The following NCAPG2 variants were observed in gnomAD, a reference collection of about 807,000 sequenced individuals.
NCAPG2 encodes condensin-2 complex subunit G2.
A neutral mutation model predicts 141.1 loss-of-function variants in NCAPG2; 53 were observed. That is an observed-to-expected ratio of 0.38 (90% CI 0.30 to 0.47). The LOEUF (loss-of-function observed/expected upper bound fraction) is 0.47, where lower values mean the gene tolerates loss of function less well. Ranked by LOEUF, NCAPG2 falls within the 20% of genes least tolerant of loss-of-function variation. The probability of loss-of-function intolerance (pLI) is 0.99; values close to 1 mark genes in which losing one functional copy is unlikely to be tolerated. For missense variants in NCAPG2, 1,087 were observed against 1,389.0 expected (o/e 0.78, Z 3.46); for synonymous variants, 499 against 490.7 (o/e 1.02, Z -0.22).
chr7:158,677,882 C>T (rs1240000882), intron 11 of NCAPG2, among the ~76,000 whole-genome samples: 1 of 152,072 alleles, frequency 6.6e-6, no homozygotes, highest in Non-Finnish European at 1.5e-5. Context: ...ACAATGTCAG[C>T]TCACTGCAGC....
At chr7:158,657,003 T>C (rs1419038840) in intron 17 of NCAPG2, among the ~76,000 whole-genome samples, 2 of 152,164 alleles carry the variant, frequency 1.3e-5, no homozygotes, top group Non-Finnish European at 2.9e-5. Flanking sequence ...AGAGCAAGAG[T>C]TTCTACTTTT....
rs187542564 is a variant in NCAPG2 at position 158,693,394 on chromosome 7, A to G, written c.182T>C (p.Val61Ala). ...CCCATCCACTGGGCTTTCTAACAAC[A>G]CATCTGTCAATAAATTCTTCAGCCT... ...WQRLKNLLTD[V>A]LLESPVDGWQ... Residue 61 changes from valine (V) to alanine (A), a missense_variant, in exon 3 of 28, where the codon GTG becomes GCG. Coordinates refer to ENST00000356309, the MANE Select transcript of NCAPG2 (RefSeq NM_017760.7). The G allele has an allele frequency of 3.0e-3, 4,776 of 1,614,040 alleles. 11 individuals carry two copies. The highest frequency in any genetic ancestry group is 3.4e-3 in the Non-Finnish European group (3,956 of 1,179,942).
intron 15 of NCAPG2, among the ~76,000 whole-genome samples, chr7:158,662,894 G>A (rs1206006860): frequency 6.6e-6 from 1 of 152,126 alleles, no homozygotes; most frequent in Non-Finnish European, 1.5e-5. Flanking sequence ...TGAGAGGCTG[G>A]AATAATGACT....
chr7:158,631,943 G>A (rs544409198), intron 27 of NCAPG2, among the ~76,000 whole-genome samples: 6 of 152,284 alleles, frequency 3.9e-5, no homozygotes, highest in African/African-American at 1.4e-4. Flanking sequence ...TGGGTTGACC[G>A]TGGACACCAA....
At chr7:158,647,541 T>C (rs968579737) in intron 24 of NCAPG2, among the ~76,000 whole-genome samples, 8 of 152,224 alleles carry the variant, frequency 5.3e-5, no homozygotes, top group African/African-American at 1.9e-4. Context: ...AAGTGCAGAA[T>C]TCCTGCTCCA....
chr7:158,690,754 T>A, intron 4 of NCAPG2, 32 bp from the exon 5 acceptor site: 2 of 1,594,334 alleles, frequency 1.3e-6, no homozygotes, highest in South Asian at 1.1e-5. Context: ...TTCCAATTAG[T>A]AAGGCAAATT....
chr7:158,631,798 T>TA, intron 27 of NCAPG2, 81 bp from the exon 28 acceptor site: 1 of 1,175,932 alleles, frequency 8.5e-7, no homozygotes, highest in Non-Finnish European at 1.2e-6. Context: ...AAATATAATC[T>TA]AAAAATGGTT....
Position 158,682,238 on chromosome 7 carries a change from A to G in NCAPG2, c.924+1062T>C, listed in dbSNP as rs138428787. Among the ~76,000 whole-genome samples, 1,005 of 152,290 alleles carry G rather than the reference A, an allele frequency of 6.6e-3. 14 individuals carry two copies. Among genetic ancestry groups the G allele is most frequent in the African/African-American group, 0.022 (928 of 41,568 alleles). The stretch of plus-strand genomic sequence containing the variant: ...ACATAAACATAGTTTACATAAATAC[A>G]TAGTTTAATGCAATTCTACTAAATA... On this transcript the variant is annotated intron_variant, in intron 9 of 27. Transcript: ENST00000356309.
intron 13 of NCAPG2, chr7:158,667,105 A>G: frequency 2.0e-6 from 2 of 979,230 alleles, no homozygotes; most frequent in Non-Finnish European, 2.4e-6. Flanking sequence ...TTAACTTTCA[A>G]GGGAAATTAG....
chr7:158,683,257 C>G, intron 9 of NCAPG2, 43 bp downstream of exon 9: 1 of 1,383,580 alleles, frequency 7.2e-7, no homozygotes. Context: ...AAAAACAAAA[C>G]AGAGGAAACA....
At chr7:158,638,251 T>TC (rs60433557) in intron 27 of NCAPG2, among the ~76,000 whole-genome samples, 126 of 152,344 alleles carry the variant, frequency 8.3e-4, no homozygotes, top group African/African-American at 3.0e-3. Flanking sequence ...ACATTGTTTT[T>TC]TGTTTGTTTG....
chr7:158,639,923 A>G, intron 27 of NCAPG2: 1 of 842,296 alleles, frequency 1.2e-6, no homozygotes, highest in Middle Eastern at 6.0e-4. Context: ...GACCTGTGAG[A>G]CAACTGTAAA....
chr7:158,664,174 T>C lies in NCAPG2; in HGVS notation c.1815+10A>G, dbSNP rs779324497. On this transcript the variant is annotated intron_variant, in intron 15 of 27. Transcript: ENST00000356309. ...GCACTATCTGCCCGGCCTGGCCCTGTTCTACTCACAGTCACATTCTCCTTC... is the reference window on the plus strand; with the variant it reads ...GCACTATCTGCCCGGCCTGGCCCTGCTCTACTCACAGTCACATTCTCCTTC... 1 of 1,585,154 alleles carries C rather than the reference T, an allele frequency of 6.3e-7. No homozygotes were observed. Among genetic ancestry groups the C allele is most frequent in the East Asian group, 2.2e-5 (1 of 44,758 alleles).
chr7:158,658,125 T>C (rs948853974), intron 17 of NCAPG2, among the ~76,000 whole-genome samples: 1 of 142,034 alleles, frequency 7.0e-6, no homozygotes, highest in African/African-American at 2.6e-5. Context: ...TCCCCCTCTG[T>C]GAGAAACACC....
At chr7:158,650,767 T>C (rs1587103004) in intron 24 of NCAPG2, 65 bp downstream of exon 24, 1 of 1,516,966 alleles carries the variant, frequency 6.6e-7, no homozygotes, top group East Asian at 2.4e-5. Flanking sequence ...AATGTACTGC[T>C]AGTAGAAACA....
chr7:158,662,388 T>C, intron 15 of NCAPG2, 21 bp from the exon 16 acceptor site: 10 of 1,532,974 alleles, frequency 6.5e-6, no homozygotes, highest in South Asian at 1.3e-5. Context: ...AATAATTTTA[T>C]TGTGAAAGGA....
chr7:158,682,770 A>C (rs960932481), intron 9 of NCAPG2, among the ~76,000 whole-genome samples: 8 of 152,222 alleles, frequency 5.3e-5, no homozygotes, highest in African/African-American at 1.9e-4. Flanking sequence ...AACACCTATC[A>C]GTGTAGTAAT....
chr7:158,679,898 T>A, intron 11 of NCAPG2, 62 bp downstream of exon 11: 1 of 1,591,548 alleles, frequency 6.3e-7, no homozygotes, highest in Admixed American at 1.7e-5. Flanking sequence ...ACACAAGCAG[T>A]ACATGCCACA....
chr7:158,647,388 C>T (rs1355564847), intron 24 of NCAPG2, among the ~76,000 whole-genome samples: 1 of 152,210 alleles, frequency 6.6e-6, no homozygotes, highest in African/African-American at 2.4e-5. Flanking sequence ...ATCACAGTGC[C>T]CCCTGCAGGG....
Sources: gnomAD v4.1 joint callset for allele counts (sites outside exome capture counted in the v4.1 genomes callset) on GRCh38, gnomAD v4.1.1 for gene constraint, MANE v1.5 for transcripts, NCBI Gene and HGNC (gene_info 2026-07-23, HGNC 2026-07-21) for gene names.